Variants in PTDSS1 observed in about 807,000 individuals in gnomAD.
PTDSS1 encodes the protein PSS-1.
Under a neutral mutation model 70.5 loss-of-function variants are expected in PTDSS1, and 45 were observed. The ratio of observed to expected loss-of-function variants is 0.64; its 90% CI spans 0.50 to 0.82. The LOEUF is 0.82. Ranked by LOEUF, PTDSS1 falls within the 40% of genes least tolerant of loss-of-function variation. The pLI is 0.00. For synonymous variants in PTDSS1, 188 were observed against 203.8 expected (o/e 0.92, Z 0.66); for missense variants, 417 against 586.1 (o/e 0.71, Z 2.98).
Position 96,287,104 on chromosome 8 carries a change from A to C in PTDSS1, c.399A>C (p.Leu133=). Reference sequence around the variant, plus strand: ...AGGTTAAATCTCTAATGTATTGGCTAGATCCAAATCTTCGATACGCCACAA... The same window carrying C: ...AGGTTAAATCTCTAATGTATTGGCTCGATCCAAATCTTCGATACGCCACAA... ...FEQVKSLMYW[L]DPNLRYATRE... is the part of the protein sequence containing the mutation. Residue 133 remains leucine, a synonymous_variant, in exon 4 of 13, where the codon CTA becomes CTC. Coordinates refer to ENST00000517309, the MANE Select transcript of PTDSS1 (RefSeq NM_014754.3). 2 of 1,614,182 alleles carry C rather than the reference A, an allele frequency of 1.2e-6. No individual in the cohort carries two copies. The highest frequency in any genetic ancestry group is 1.7e-6 in the Non-Finnish European group (2 of 1,179,992).
At chr8:96,272,047 T>C (rs952780673) in intron 1 of PTDSS1, among the ~76,000 whole-genome samples, 4 of 152,190 alleles carry the variant, frequency 2.6e-5, no homozygotes, top group Non-Finnish European at 5.9e-5. Context: ...TGCCCGTTTT[T>C]CTATTTGTTT....
chr8:96,264,541 G>C (rs1210409709), intron 1 of PTDSS1, among the ~76,000 whole-genome samples: 1 of 152,132 alleles, frequency 6.6e-6, no homozygotes, highest in Admixed American at 6.5e-5. Flanking sequence ...GTGTGGGCTT[G>C]AAATAATGAA....
rs762952015 is a variant in PTDSS1, at chr8:96,273,291, A to G, written c.180-8A>G. On this transcript the variant is annotated splice_region_variant and splice_polypyrimidine_tract_variant and intron_variant, in intron 1 of 12. Coordinates refer to ENST00000517309, the MANE Select transcript of PTDSS1 (RefSeq NM_014754.3). ...AGTAAATGCTCAATGTTGTTTTTCT[A>G]TTTTCAGGGATGACTCTGTTCCAGA... The G allele has an allele frequency of 3.2e-6, 5 of 1,580,616 alleles. No individual in the cohort carries two copies. Among genetic ancestry groups the G allele is most frequent in the South Asian group, 1.2e-5 (1 of 85,574 alleles).
At chr8:96,326,375 T>G (rs187097413) in intron 10 of PTDSS1, among the ~76,000 whole-genome samples, 52 of 152,240 alleles carry the variant, frequency 3.4e-4, no homozygotes, top group Non-Finnish European at 6.0e-4. Context: ...TTGTTTTTTT[T>G]CTATCTGTCT....
At chr8:96,316,260 GA>G (rs1811287293) in intron 9 of PTDSS1, among the ~76,000 whole-genome samples, 1 of 152,152 alleles carries the variant, frequency 6.6e-6, no homozygotes, top group Non-Finnish European at 1.5e-5. Context: ...TCAGCCAGCA[GA>G]AGGTTCTCGA....
intron 10 of PTDSS1, among the ~76,000 whole-genome samples, chr8:96,326,582 G>T (rs1436062263): frequency 4.6e-5 from 7 of 152,226 alleles, no homozygotes; most frequent in Admixed American, 3.3e-4. Context: ...CTGTGAGAGT[G>T]CCCAGTGGCT....
intron 9 of PTDSS1, among the ~76,000 whole-genome samples, chr8:96,310,066 T>G (rs983962470): frequency 6.6e-6 from 1 of 151,146 alleles, no homozygotes; most frequent in Non-Finnish European, 1.5e-5. Context: ...GAGGCTGAGG[T>G]TTCAGTGAGC....
chr8:96,323,801 C>A (rs1481791406), intron 10 of PTDSS1, among the ~76,000 whole-genome samples: 2 of 152,228 alleles, frequency 1.3e-5, no homozygotes, highest in Non-Finnish European at 2.9e-5. Context: ...TTAACAGCCA[C>A]GTGGCCCCAC....
intron 9 of PTDSS1, among the ~76,000 whole-genome samples, chr8:96,319,652 C>G: frequency 6.6e-6 from 1 of 152,136 alleles, no homozygotes; most frequent in South Asian, 2.1e-4. Flanking sequence ...TTGAAAGACT[C>G]TCTTGGAAGG....
chr8:96,284,322 TAA>T (rs992096531), intron 3 of PTDSS1, among the ~76,000 whole-genome samples, 169 bp downstream of exon 3: 21 of 152,372 alleles, frequency 1.4e-4, no homozygotes, highest in Admixed American at 9.8e-4. Flanking sequence ...TGACACAAAA[TAA>T]AGTGTTGAGG....
chr8:96,269,848 A>G (rs969489118), intron 1 of PTDSS1, among the ~76,000 whole-genome samples: 7 of 152,224 alleles, frequency 4.6e-5, no homozygotes, highest in Admixed American at 2.0e-4. Flanking sequence ...TCCCTACCCA[A>G]TGATAGGCAT....
chr8:96,299,358 T>G (rs1811019233), intron 5 of PTDSS1, among the ~76,000 whole-genome samples: 1 of 152,194 alleles, frequency 6.6e-6, no homozygotes, highest in Non-Finnish European at 1.5e-5. Context: ...GAAACTTTTC[T>G]CCTTTTCCCC....
At chr8:96,296,061 G>A (rs1036107904) in intron 5 of PTDSS1, among the ~76,000 whole-genome samples, 1 of 151,440 alleles carries the variant, frequency 6.6e-6, no homozygotes, top group Admixed American at 6.6e-5. Flanking sequence ...TGGTCCCTGG[G>A]CTTGTTGATG....
intron 12 of PTDSS1, among the ~76,000 whole-genome samples, chr8:96,332,314 A>C (rs1811528973): frequency 6.6e-6 from 1 of 152,222 alleles, no homozygotes; most frequent in Non-Finnish European, 1.5e-5. Context: ...TGAAGAAAGA[A>C]AATTAGAAAT....
intron 12 of PTDSS1, among the ~76,000 whole-genome samples, chr8:96,332,131 A>G (rs1446732883): frequency 4.7e-5 from 7 of 149,670 alleles, no homozygotes; most frequent in Non-Finnish European, 5.9e-5. Flanking sequence ...GCAGTGTAAG[A>G]GATTTTGGTC....
Position 96,299,661 on chromosome 8 carries a change from A to G in PTDSS1, c.601-33A>G, listed in dbSNP as rs764528912. The G allele has an allele frequency of 7.7e-6, 12 of 1,565,260 alleles. No individual in the cohort carries two copies. In the South Asian group the frequency reaches 1.4e-4, roughly 19 times the overall value. Reference sequence around the variant, plus strand: ...TCTGCATGGTACCCCAGTTTTGTTTATTTTTCCAACCATGGGCTCTTGTGT... The same window carrying G: ...TCTGCATGGTACCCCAGTTTTGTTTGTTTTTCCAACCATGGGCTCTTGTGT... On this transcript the variant is annotated intron_variant, in intron 5 of 12. Transcript: ENST00000517309.
chr8:96,328,252 AC>A (rs984971326), intron 10 of PTDSS1, among the ~76,000 whole-genome samples: 42 of 151,304 alleles, frequency 2.8e-4, no homozygotes, highest in Middle Eastern at 3.4e-3. Flanking sequence ...GTGGAACCTA[AC>A]CCCCCCAGTC....
At chr8:96,276,956 G>A (rs1810651761) in intron 2 of PTDSS1, among the ~76,000 whole-genome samples, 1 of 139,220 alleles carries the variant, frequency 7.2e-6, no homozygotes, top group Admixed American at 7.1e-5. Flanking sequence ...CTCCTCCCGG[G>A]CACATACACG....
intron 9 of PTDSS1, among the ~76,000 whole-genome samples, chr8:96,315,427 C>G (rs566646108): frequency 6.6e-6 from 1 of 152,286 alleles, no homozygotes; most frequent in South Asian, 2.1e-4. Context: ...GTTGGCAAGC[C>G]AAAATCTCTT....
Sources: gnomAD v4.1 joint callset for allele counts (sites outside exome capture counted in the v4.1 genomes callset) on GRCh38, gnomAD v4.1.1 for gene constraint, MANE v1.5 for transcripts, NCBI Gene and HGNC (gene_info 2026-07-23, HGNC 2026-07-21) for gene names.